Variants in SLX4 observed in about 807,000 individuals in gnomAD.
SLX4 encodes the protein SLX4 structure-specific endonuclease subunit, also known as structure-specific endonuclease subunit SLX4.
A neutral mutation model predicts 146.2 loss-of-function variants in SLX4; 112 were observed. The ratio of observed to expected loss-of-function variants is 0.77; its 90% CI spans 0.66 to 0.90. The LOEUF (loss-of-function observed/expected upper bound fraction) is 0.90, where lower values mean the gene tolerates loss of function less well. SLX4 is among the 40% of genes least tolerant of loss of function. The pLI, the probability that SLX4 is intolerant of heterozygous loss-of-function variation, is 0.00. For missense variants in SLX4, 2,563 were observed against 2,392.7 expected, an observed-to-expected ratio of 1.07 and a Z score of -1.49; for synonymous variants, 1,061 against 997.7, an observed-to-expected ratio of 1.06 and a Z score of -1.20.
In SLX4 at chr16:3,594,560, C is replaced by T. The variant is rs371002922; in HGVS notation, c.2053G>A (p.Val685Ile). 1.4e-5 allele frequency: 23 copies of T among 1,613,958 alleles called. No homozygotes were observed. The African/African-American group carries it at 2.8e-4, about 20-fold the overall frequency. Residue 685 changes from valine (V) to isoleucine (I), a missense_variant, in exon 10 of 15, where the codon GTC (valine) becomes ATC (isoleucine). Physicochemically the swap from Val to Ile is conservative, Grantham distance 29. Coordinates refer to ENST00000294008, the MANE Select transcript of SLX4 (RefSeq NM_032444.4). ...GLLVADFGAM[V>I]NNPHLSDVQF... ...ACATCACTCAGGTGTGGGTTATTGACCATGGCGCCAAAGTCAGCAACCAGC... is the reference window on the plus strand; with the variant it reads ...ACATCACTCAGGTGTGGGTTATTGATCATGGCGCCAAAGTCAGCAACCAGC...
In SLX4 at chr16:3,596,173, G is replaced by A. The variant is rs746717279; in HGVS notation, c.1904C>T (p.Ala635Val). ...CTCACCTGCAGTCCCTTCCGAGCCA[G>A]CCAGGCCCCCACTGCCGGGCCACGG... ...ASPWPGSGGL[A>V]GSEGTAGLDV... Residue 635 changes from alanine to valine, a missense_variant, in exon 8 of 15, where the codon GCT becomes GTT. By Grantham distance (64) the Ala-to-Val change is moderately conservative. Transcript: ENST00000294008. The A allele has an allele frequency of 2.7e-5, 42 of 1,551,940 alleles. No homozygotes were observed. The highest frequency in any genetic ancestry group is 3.4e-5 in the Non-Finnish European group (39 of 1,150,418).
In SLX4 at chr16:3,597,342, C is replaced by T. The variant is rs768879506; in HGVS notation, c.1683+37G>A. On this transcript the variant is annotated intron_variant, in intron 7 of 14. Transcript: ENST00000294008. This position sits in a 1 kb window ranked among gnomAD's most constrained non-coding sequence, Gnocchi z 4.4. ...CAGTTCTGGGATTGCCAACCTCCCC[C>T]AAAAGCCTATCCATGTGCCTGAGGG... 1 of 1,487,480 alleles carries T rather than the reference C, an allele frequency of 6.7e-7. No homozygotes were observed. Among genetic ancestry groups the T allele is most frequent in the East Asian group, 2.4e-5 (1 of 40,856 alleles). 92.1% of individuals were successfully genotyped at this position (1,487,480 alleles called of 1,614,324 possible). A position where few individuals can be genotyped will look rare whatever the true frequency, so the allele number is the denominator to read the frequency against.
Position 3,597,908 on chromosome 16 carries a change from C to T in SLX4, c.1255G>A (p.Glu419Lys), listed in dbSNP as rs941244697. Residue 419 changes from glutamate (E) to lysine (K), a missense_variant, in exon 6 of 15, where the codon GAG becomes AAG. By Grantham distance (56) the Glu-to-Lys change is moderately conservative. Transcript: ENST00000294008. The surrounding 1 kb of genome is among the most constrained non-coding windows in gnomAD (Gnocchi z 4.4). ...AGAGCCATGGCCACCAGCAGGTCCT[C>T]GGACGGTGCCTCGTCCACCTTCCGC... ...KRRKVDEAPSEDLLVAMALSR... is the reference protein window; with the variant it reads ...KRRKVDEAPSKDLLVAMALSR... 1.4e-5 allele frequency: 23 copies of T among 1,614,016 alleles called. No individual in the cohort carries two copies. The highest frequency in any genetic ancestry group is 6.7e-5 in the East Asian group (3 of 44,888).
intron 11 of SLX4, 65 bp from the exon 12 acceptor site, chr16:3,591,375 G>T: frequency 6.3e-7 from 1 of 1,595,610 alleles, no homozygotes. Flanking sequence ...GTGCCCCGGT[G>T]GGGTGGCGGA....
intron 3 of SLX4, among the ~76,000 whole-genome samples, chr16:3,604,594 G>A (rs912548796): frequency 7.9e-5 from 12 of 152,050 alleles, no homozygotes; most frequent in East Asian, 1.9e-4. Context: ...AGACTGAGGT[G>A]GACAGATCAC....
chr16:3,595,743 C>T (rs1235112130), intron 8 of SLX4, 50 bp from the exon 9 acceptor site: 7 of 1,599,626 alleles, frequency 4.4e-6, no homozygotes, highest in Non-Finnish European at 6.0e-6. Flanking sequence ...CAGCCACATC[C>T]ACCACCAAGA....
At chr16:3,594,317 A>T (rs1038553278) in intron 10 of SLX4, 136 bp downstream of exon 10, 1 of 1,249,608 alleles carries the variant, frequency 8.0e-7, no homozygotes, top group Non-Finnish European at 1.1e-6. Context: ...GAAGGTGAGA[A>T]CATGGTGGGG....
rs768959840 is a variant in SLX4 at position 3,609,001 on chromosome 16, G to A, written c.-37C>T. ...TCTACTTCTCCATTAGATACTTGGA[G>A]AGTTTGCACAATTGAACAAAAAGTA... On this transcript the variant is annotated 5_prime_UTR_variant, in exon 2 of 15. Transcript: ENST00000294008. The A allele has an allele frequency of 6.2e-7, 1 of 1,603,558 alleles. No homozygotes were observed. Among genetic ancestry groups the A allele is most frequent in the East Asian group, 2.2e-5 (1 of 44,840 alleles).
Position 3,595,741 on chromosome 16 carries a change from T to TCCA in SLX4, c.1925-51_1925-49dup, listed in dbSNP as rs746902518. 46 of 1,599,842 alleles carry TCCA rather than the reference T, an allele frequency of 2.9e-5. No individual in the cohort carries two copies. In the South Asian group the frequency reaches 3.4e-4, roughly 12 times the overall value. ...AAAGGAACGTCACAGCCCAGCCACA[T>TCCA]CCACCACCAAGAAGACAGCGTTGAC... On this transcript the variant is annotated intron_variant, in intron 8 of 14. Coordinates refer to ENST00000294008, the MANE Select transcript of SLX4 (RefSeq NM_032444.4).
chr16:3,607,635 T>TG (rs2040801616), intron 2 of SLX4, among the ~76,000 whole-genome samples: 1 of 152,080 alleles, frequency 6.6e-6, no homozygotes, highest in South Asian at 2.1e-4. Context: ...CAGTAAGCTA[T>TG]GATAGCACCA....
rs1192642494 is a variant in SLX4, at chr16:3,595,591, G to A, written c.2013+14C>T. The A allele has an allele frequency of 1.2e-6, 2 of 1,613,568 alleles. No homozygotes were observed. Among genetic ancestry groups the A allele is most frequent in the Non-Finnish European group, 8.5e-7 (1 of 1,179,950 alleles). On this transcript the variant is annotated intron_variant, in intron 9 of 14. Coordinates refer to ENST00000294008, the MANE Select transcript of SLX4 (RefSeq NM_032444.4). ...GGCCGGGACCAGAGAGCGCGGGCCAGAGCCAGTTCTTACCAAGGTGCGGCC... is the reference window on the plus strand; with the variant it reads ...GGCCGGGACCAGAGAGCGCGGGCCAAAGCCAGTTCTTACCAAGGTGCGGCC...
chr16:3,589,725 C>T lies in SLX4; in HGVS notation c.3913G>A (p.Ala1305Thr), dbSNP rs763524714. 4.2e-5 allele frequency: 67 copies of T among 1,613,736 alleles called. No individual in the cohort carries two copies. The South Asian group carries it at 5.1e-4, about 12-fold the overall frequency. Residue 1305 changes from alanine (A) to threonine (T), a missense_variant, in exon 12 of 15, where the codon GCA becomes ACA. Physicochemically the swap from Ala to Thr is moderately conservative, Grantham distance 58. Transcript: ENST00000294008. This position sits in a 1 kb window ranked among gnomAD's most constrained non-coding sequence, Gnocchi z 6.2. ...GGCCTGATGACAGAAAACTTCTGTG[C>T]GACTTCGTTCCCTTCCCTGTTTCCT... ...SVGNREGNEVAQKFSVIRPQT... is the reference protein window; with the variant it reads ...SVGNREGNEVTQKFSVIRPQT...
Position 3,608,671 on chromosome 16 carries a change from G to C in SLX4, c.294C>G (p.Thr98=). ...SKLKRTKQTA[T]KTKTLQGPAE... is the part of the protein sequence containing the mutation. ...CAGGGCCTTGAAGGGTTTTGGTCTT[G>C]GTAGCAGTTTGTTTGGTCCTTTTCA... Residue 98 remains threonine (T), a synonymous_variant, in exon 2 of 15, where the codon ACC becomes ACG. Transcript: ENST00000294008. The C allele has an allele frequency of 6.2e-7, 1 of 1,614,176 alleles. No homozygotes were observed.
rs774909246 is a variant in SLX4, at chr16:3,591,214, G to T, written c.2424C>A (p.Cys808Ter). ...KPWEEKEAEN[C>*]ESRAENFQEL... ...CCTGGAAATTCTCGGCCCTGCTTTC[G>T]CAATTCTCTGCTTCCTTCTCCTCCC... Residue 808 changes from cysteine (C) to a stop codon, truncating the protein, a stop_gained, in exon 12 of 15, where the codon TGC becomes TGA. Transcript: ENST00000294008. LOFTEE classifies it high-confidence loss of function. The T allele has an allele frequency of 2.5e-6, 4 of 1,613,798 alleles. No individual in the cohort carries two copies. Among genetic ancestry groups the T allele is most frequent in the Non-Finnish European group, 3.4e-6 (4 of 1,180,024 alleles).
rs2151122117 is a variant in SLX4 at position 3,589,543 on chromosome 16, G to A, written c.4095C>T (p.Asp1365=). 1 of 1,610,596 alleles carries A rather than the reference G, an allele frequency of 6.2e-7. No homozygotes were observed. The highest frequency in any genetic ancestry group is 8.5e-7 in the Non-Finnish European group (1 of 1,177,810). ...SPLAPHPISG[D]RAHFSRRFLK... ...GGAACCGCCTGCTGAAGTGGGCGCG[G>A]TCCCCTGAGATGGGATGTGGAGCCA... The change falls in exon 12 of 15, where the codon GAC becomes GAT. Residue 1365 remains aspartate, a synonymous_variant. Transcript: ENST00000294008. This position sits in a 1 kb window ranked among gnomAD's most constrained non-coding sequence, Gnocchi z 6.2.
chr16:3,598,374 T>C (rs955247928), intron 5 of SLX4, among the ~76,000 whole-genome samples: 1 of 152,174 alleles, frequency 6.6e-6, no homozygotes, highest in South Asian at 2.1e-4. Context: ...ATACTTCCGA[T>C]GCTCCTTACA....
chr16:3,591,328 G>A lies in SLX4; in HGVS notation c.2328-18C>T, dbSNP rs751798655. On this transcript the variant is annotated intron_variant, in intron 11 of 14. Transcript: ENST00000294008. ...CGCCAAACCTGCAACACGAAACATC[G>A]ACAGTCATCGCCCCTCTGCGTGGAG... 6.2e-6 allele frequency: 10 copies of A among 1,607,818 alleles called. No homozygotes were observed. Among genetic ancestry groups the A allele is most frequent in the South Asian group, 3.3e-5 (3 of 91,030 alleles).
intron 13 of SLX4, 57 bp downstream of exon 13, chr16:3,584,712 A>T: frequency 7.4e-7 from 1 of 1,345,742 alleles, no homozygotes; most frequent in Non-Finnish European, 1.1e-6. Flanking sequence ...TGTGAAACCC[A>T]GTTACTTATG....
rs748897456 is a variant in SLX4, at chr16:3,584,762, C to G, written c.4739+7G>C. 6.2e-7 allele frequency: 1 copy of G among 1,608,336 alleles called. No individual in the cohort carries two copies. The highest frequency in any genetic ancestry group is 8.5e-7 in the Non-Finnish European group (1 of 1,174,924). On this transcript the variant is annotated splice_region_variant and intron_variant, in intron 13 of 14. Transcript: ENST00000294008. ...ACTGTGGGCAACAAGCTTTGAAGACCGCCAACCTATCCAGTTCCTTCTTCA... is the reference window on the plus strand; with the variant it reads ...ACTGTGGGCAACAAGCTTTGAAGACGGCCAACCTATCCAGTTCCTTCTTCA...
Sources: allele counts gnomAD v4.1 joint callset (sites outside exome capture counted in the v4.1 genomes callset), GRCh38; gene constraint gnomAD v4.1.1; non-coding constraint Gnocchi (gnomAD v3.1); transcripts MANE v1.5; gene names NCBI Gene and HGNC (gene_info 2026-07-23, HGNC 2026-07-21).